The following PFN4 variants were observed in gnomAD, a reference collection of about 807,000 sequenced individuals.
PFN4 encodes profilin family member 4.
Under a neutral mutation model 16.3 loss-of-function variants are expected in PFN4, and 10 were observed. The observed-to-expected ratio is 0.61, with a 90% confidence interval of 0.38 to 1.04. PFN4 has a LOEUF of 1.04. Ranked by LOEUF, PFN4 falls within the 50% of genes least tolerant of loss-of-function variation. The pLI is 0.01. For missense variants in PFN4, 136 were observed against 153.6 expected (o/e 0.89, Z 0.61); for synonymous variants, 54 against 56.9 (o/e 0.95, Z 0.23).
intron 3 of PFN4, 118 bp downstream of exon 3, chr2:24,121,045 A>G: frequency 1.5e-6 from 2 of 1,363,630 alleles, no homozygotes; most frequent in Non-Finnish European, 2.0e-6. Context: ...ATCTCAAGAC[A>G]ATGGCTCAAG....
Position 24,122,489 on chromosome 2 carries a change from T to A in PFN4, c.47A>T (p.Lys16Met). 1.9e-6 allele frequency: 3 copies of A among 1,614,200 alleles called. No homozygotes were observed. Among genetic ancestry groups the A allele is most frequent in the Non-Finnish European group, 2.5e-6 (3 of 1,180,032 alleles). Residue 16 changes from lysine (K) to methionine (M), a missense_variant, in exon 2 of 5, where the codon AAG becomes ATG. By Grantham distance (95) the Lys-to-Met change is moderately conservative. Coordinates refer to ENST00000313213, the MANE Select transcript of PFN4 (RefSeq NM_199346.3). Reference sequence around the variant, plus strand: ...GATGAGGGCTGCACTGTCCACATGCTTGGTTCCCAAGAGGGTGTCTAACAA... The same window carrying A: ...GATGAGGGCTGCACTGTCCACATGCATGGTTCCCAAGAGGGTGTCTAACAA... ...SLLLDTLLGT[K>M]HVDSAALIKI... is the part of the protein sequence containing the mutation.
upstream of PFN4, chr2:24,123,441 TC>T (rs946677114): frequency 8.6e-5 from 13 of 151,870 alleles, no homozygotes; most frequent in Admixed American, 7.9e-4. Context: ...CCTGAAGCCG[TC>T]CTCCGCCGCC....
intron 3 of PFN4, 99 bp from the exon 4 acceptor site, chr2:24,119,781 A>C: frequency 1.2e-6 from 1 of 802,802 alleles, no homozygotes; most frequent in East Asian, 2.5e-5. Flanking sequence ...TGATTTCCAT[A>C]TGTTTGGAAT....
rs1665863798 is a variant in PFN4 at position 24,114,850 on chromosome 2, A to G, written c.*733T>C. The stretch of plus-strand genomic sequence containing the variant: ...ATGAACTCTTTCTGGGGAAGGGTGC[A>G]TTTAGTGACCATACTGCCTTACTAA... On this transcript the variant is annotated 3_prime_UTR_variant, in exon 5 of 5. Coordinates refer to ENST00000313213, the MANE Select transcript of PFN4 (RefSeq NM_199346.3). Among the ~76,000 whole-genome samples, 1 of 152,210 alleles carries G rather than the reference A, an allele frequency of 6.6e-6. No homozygotes were observed. The highest frequency in any genetic ancestry group is 6.5e-5 in the Admixed American group (1 of 15,284).
At chr2:24,122,182 A>C (rs1370352700) in intron 2 of PFN4, among the ~76,000 whole-genome samples, 1 of 152,090 alleles carries the variant, frequency 6.6e-6, no homozygotes, top group African/African-American at 2.4e-5. Flanking sequence ...AAATACAAAA[A>C]TTAGCCGGGC....
At chr2:24,116,369 C>A (rs1479756808) in intron 4 of PFN4, among the ~76,000 whole-genome samples, 1 of 152,026 alleles carries the variant, frequency 6.6e-6, no homozygotes, top group Non-Finnish European at 1.5e-5. Context: ...GATGTACTCA[C>A]GTTTTAAAGA....
At chr2:24,116,683 C>G (rs1455504098) in intron 4 of PFN4, among the ~76,000 whole-genome samples, 1 of 151,772 alleles carries the variant, frequency 6.6e-6, no homozygotes, top group Admixed American at 6.6e-5. Context: ...GGTGAAACCC[C>G]GTCTCTACTA....
chr2:24,121,224 T>C lies in PFN4; in HGVS notation c.194A>G (p.Tyr65Cys), dbSNP rs779890529. The C allele has an allele frequency of 3.7e-6, 6 of 1,614,224 alleles. No individual in the cohort carries two copies. The highest frequency in any genetic ancestry group is 4.2e-6 in the Non-Finnish European group (5 of 1,180,026). ...ACATCTGTAATCTTTTCCCTTGAAA[T>C]ACAGTCCTTCTCTTCGGGCTTGCAA... The part of the protein sequence containing the change: ...NPLQARREGL[Y>C]FKGKDYRCVR... The change falls in exon 3 of 5, where the codon TAT becomes TGT. Residue 65 changes from tyrosine to cysteine, a missense_variant. Tyr to Cys is a radical substitution (Grantham distance 194). Coordinates refer to ENST00000313213, the MANE Select transcript of PFN4 (RefSeq NM_199346.3).
At chr2:24,120,782 T>C (rs1645655399) in intron 3 of PFN4, among the ~76,000 whole-genome samples, 1 of 152,094 alleles carries the variant, frequency 6.6e-6, no homozygotes. Context: ...CTTGAACTCC[T>C]GACCTCAGCC....
In PFN4 at chr2:24,116,870, G is replaced by C. The variant is rs1437778249; in HGVS notation, c.362-1259C>G. Among the ~76,000 whole-genome samples, 12 of 147,024 alleles carry C rather than the reference G, an allele frequency of 8.2e-5. No individual in the cohort carries two copies. In the South Asian group the frequency reaches 2.6e-3, roughly 32 times the overall value. On this transcript the variant is annotated intron_variant, in intron 4 of 4. Transcript: ENST00000313213. ...TTAGCCTGGCTGATAGAATGAAACTGTGTCTCAAAAAAAAAAAAGAAAAAG... is the reference window on the plus strand; with the variant it reads ...TTAGCCTGGCTGATAGAATGAAACTCTGTCTCAAAAAAAAAAAAGAAAAAG...
chr2:24,116,764 G>T (rs1286989329), intron 4 of PFN4, among the ~76,000 whole-genome samples: 1 of 151,812 alleles, frequency 6.6e-6, no homozygotes, highest in Non-Finnish European at 1.5e-5. Context: ...TGAGGCAGGA[G>T]AATCTCTTGA....
rs750324973 is a variant in PFN4 at position 24,122,519 on chromosome 2, C to T, written c.17G>A (p.Ser6Asn). 4 of 1,613,426 alleles carry T rather than the reference C, an allele frequency of 2.5e-6. No homozygotes were observed. The African/African-American group carries it at 4.0e-5, about 16-fold the overall frequency. The change falls in exon 2 of 5, where the codon AGC (serine) becomes AAC (asparagine). Residue 6 changes from serine to asparagine, a missense_variant. Ser to Asn is a conservative substitution (Grantham distance 46). Coordinates refer to ENST00000313213, the MANE Select transcript of PFN4 (RefSeq NM_199346.3). The stretch of plus-strand genomic sequence containing the variant: ...TCCCAAGAGGGTGTCTAACAATAAG[C>T]TCTGCAAATGGCTCATGTTCCCTCA... MSHLQ[S>N]LLLDTLLGTK...
At chr2:24,120,184 T>G (rs1325289239) in intron 3 of PFN4, among the ~76,000 whole-genome samples, 1 of 151,804 alleles carries the variant, frequency 6.6e-6, no homozygotes, top group African/African-American at 2.4e-5. Context: ...CAGGAGAATC[T>G]CTTGAACCCA....
chr2:24,119,278 A>T (rs1666022308), intron 4 of PFN4, among the ~76,000 whole-genome samples: 1 of 152,122 alleles, frequency 6.6e-6, no homozygotes, highest in South Asian at 2.1e-4. Flanking sequence ...ATTAAGGGGT[A>T]TTATGGGAGG....
Position 24,115,683 on chromosome 2 carries a change from T to G in PFN4, c.362-72A>C, listed in dbSNP as rs981863561. On this transcript the variant is annotated intron_variant, in intron 4 of 4. Coordinates refer to ENST00000313213, the MANE Select transcript of PFN4 (RefSeq NM_199346.3). ...CACTACAAATGATTCATTCATCCAT[T>G]TATTATTCCACAAACATTGCCAGGT... is the stretch of plus-strand genomic sequence containing the variant. 2.6e-6 allele frequency: 4 copies of G among 1,528,714 alleles called. No homozygotes were observed. In the African/African-American group the frequency reaches 5.5e-5, roughly 21 times the overall value. The allele number at this position is 1,528,714 out of a possible 1,614,324, so 94.7% of individuals were successfully genotyped here. A position where few individuals can be genotyped will look rare whatever the true frequency, so the allele number is the denominator to read the frequency against.
At position 24,122,532 on chromosome 2, in the gene PFN4, T is replaced by A. The variant is rs781433910; in HGVS notation, c.4A>T (p.Ser2Cys). 1.2e-6 allele frequency: 2 copies of A among 1,606,118 alleles called. No individual in the cohort carries two copies. Among genetic ancestry groups the A allele is most frequent in the Non-Finnish European group, 1.7e-6 (2 of 1,173,920 alleles). ...TCTAACAATAAGCTCTGCAAATGGC[T>A]CATGTTCCCTCAACTCTGAAAGGGA... M[S>C]HLQSLLLDTL... is the part of the protein sequence containing the mutation. The change falls in exon 2 of 5, where the codon AGC becomes TGC. Residue 2 changes from serine (S) to cysteine (C), a missense_variant. Transcript: ENST00000313213.
intron 4 of PFN4, among the ~76,000 whole-genome samples, chr2:24,116,929 T>G (rs897753845): frequency 6.7e-6 from 1 of 149,054 alleles, no homozygotes; most frequent in African/African-American, 2.5e-5. Flanking sequence ...AAAAAACAAC[T>G]AAGGACCTAG....
At chr2:24,118,548 A>C (rs1302834554) in intron 4 of PFN4, among the ~76,000 whole-genome samples, 2 of 152,236 alleles carry the variant, frequency 1.3e-5, no homozygotes, top group African/African-American at 4.8e-5. Context: ...AGGGATTCAC[A>C]ATCTAGATAA....
intron 4 of PFN4, among the ~76,000 whole-genome samples, chr2:24,116,249 A>T (rs561074133): frequency 6.6e-6 from 1 of 151,918 alleles, no homozygotes; most frequent in East Asian, 2.0e-4. Context: ...AATTGCTTGA[A>T]CCCGGGAGGC....
Sources: allele counts gnomAD v4.1 joint callset (sites outside exome capture counted in the v4.1 genomes callset), GRCh38; gene constraint gnomAD v4.1.1; transcripts MANE v1.5; gene names NCBI Gene and HGNC (gene_info 2026-07-23, HGNC 2026-07-21).